LOC400499: variants seen among roughly 807,000 people sequenced by gnomAD.
the LOC400499 span, among the ~76,000 whole-genome samples, chr16:11,506,065 T>C: frequency 6.6e-6 from 1 of 152,158 alleles, no homozygotes; most frequent in Non-Finnish European, 1.5e-5. Context: ...AGATGGAGTC[T>C]CACTCTTGTC....
chr16:11,401,438 T>G, the LOC400499 span: 2 of 399,260 alleles, frequency 5.0e-6, no homozygotes, highest in East Asian at 7.1e-5. Context: ...GCCAGTGGCC[T>G]TGCCCAGACA....
the LOC400499 span, among the ~76,000 whole-genome samples, chr16:11,489,035 G>T: frequency 5.9e-5 from 9 of 152,198 alleles, no homozygotes; most frequent in Admixed American, 4.6e-4. Flanking sequence ...TCAAACAGCA[G>T]CCAACAAGTC....
At chr16:11,446,978 C>A in the LOC400499 span, 1 of 1,476,030 alleles carries the variant, frequency 6.8e-7, no homozygotes, top group Non-Finnish European at 9.0e-7. Context: ...GACAATTGTG[C>A]CCCACGGTCT....
the LOC400499 span, among the ~76,000 whole-genome samples, chr16:11,527,216 A>T: frequency 1.2e-4 from 19 of 152,326 alleles, no homozygotes; most frequent in African/African-American, 4.3e-4. Flanking sequence ...CTCAGGCTCC[A>T]GAGCAGCTCA....
At chr16:11,374,188 G>A in the LOC400499 span, among the ~76,000 whole-genome samples, 1 of 152,116 alleles carries the variant, frequency 6.6e-6, no homozygotes, top group Non-Finnish European at 1.5e-5. Flanking sequence ...TGTGTCTATT[G>A]CCTGTCTGTG....
the LOC400499 span, among the ~76,000 whole-genome samples, chr16:11,386,163 C>T: frequency 6.6e-5 from 10 of 152,240 alleles, no homozygotes; most frequent in African/African-American, 2.4e-4. Flanking sequence ...TGGTGTCCTG[C>T]AGACCTACCC....
At chr16:11,435,937 G>A in the LOC400499 span, 2 of 398,694 alleles carry the variant, frequency 5.0e-6, no homozygotes, top group African/African-American at 4.1e-5. Context: ...TGTGGGGGAG[G>A]GCTGCCTCCT....
At chr16:11,378,105 A>G in the LOC400499 span, among the ~76,000 whole-genome samples, 2 of 152,048 alleles carry the variant, frequency 1.3e-5, no homozygotes, top group African/African-American at 4.8e-5. Flanking sequence ...TGTTGGTTTG[A>G]GAGCTTTTCC....
chr16:11,516,063 C>T, the LOC400499 span: 2 of 399,532 alleles, frequency 5.0e-6, no homozygotes, highest in Non-Finnish European at 8.8e-6. Flanking sequence ...AGGATGTCCA[C>T]CTGGGCAGAC....
chr16:11,420,604 C>G, the LOC400499 span, among the ~76,000 whole-genome samples: 1 of 90,398 alleles, frequency 1.1e-5, no homozygotes, highest in Non-Finnish European at 2.3e-5. Flanking sequence ...TAAACCCCCC[C>G]CCCCGGAAAA....
At chr16:11,455,032 G>GA in the LOC400499 span, among the ~76,000 whole-genome samples, 1 of 152,030 alleles carries the variant, frequency 6.6e-6, no homozygotes, top group African/African-American at 2.4e-5. Flanking sequence ...TGACCACCTG[G>GA]AAAAAAGTTT....
At chr16:11,515,864 CAG>C in the LOC400499 span, 497 of 324,172 alleles carry the variant, frequency 1.5e-3, no homozygotes, top group East Asian at 7.5e-3. Flanking sequence ...CAGCCCAGCC[CAG>C]CCCAGCCCAG....
chr16:11,514,371 G>T, the LOC400499 span: 3 of 399,226 alleles, frequency 7.5e-6, no homozygotes, highest in Non-Finnish European at 8.8e-6. Context: ...GTGCCCGCTG[G>T]ATCTTGGGGC....
the LOC400499 span, among the ~76,000 whole-genome samples, chr16:11,422,674 C>T: frequency 6.6e-6 from 1 of 152,158 alleles, no homozygotes; most frequent in Non-Finnish European, 1.5e-5. Context: ...GGGATACTAC[C>T]ATGCACAAAA....
the LOC400499 span, among the ~76,000 whole-genome samples, chr16:11,422,648 C>T: frequency 6.6e-6 from 1 of 152,152 alleles, no homozygotes; most frequent in East Asian, 1.9e-4. Flanking sequence ...ACATGTCAGG[C>T]CCCGTCTCAA....
chr16:11,374,063 G>T, the LOC400499 span, among the ~76,000 whole-genome samples: 3 of 152,078 alleles, frequency 2.0e-5, no homozygotes. Flanking sequence ...TAGCTGATTT[G>T]CTAAATTAAT....
chr16:11,414,033 C>A, the LOC400499 span, among the ~76,000 whole-genome samples: 1 of 152,056 alleles, frequency 6.6e-6, no homozygotes, highest in Non-Finnish European at 1.5e-5. Context: ...GGGCTGGGCA[C>A]AGGGCAGGGC....
the LOC400499 span, chr16:11,399,744 G>A: frequency 5.0e-6 from 2 of 398,880 alleles, no homozygotes; most frequent in Admixed American, 8.8e-5. Context: ...AGGCGGTGCT[G>A]TGTGCTAAGG....
the LOC400499 span, among the ~76,000 whole-genome samples, chr16:11,389,030 T>C: frequency 6.6e-6 from 1 of 152,180 alleles, no homozygotes; most frequent in African/African-American, 2.4e-5. Context: ...GAGGTTGCAG[T>C]GAGCTGAGAT....
Sources: gnomAD v4.1 joint callset for allele counts (sites outside exome capture counted in the v4.1 genomes callset) on GRCh38, gnomAD v4.1.1 for gene constraint, MANE v1.5 for transcripts.